Variants in DAB1 observed in about 807,000 individuals in gnomAD.
The protein encoded by DAB1 is DAB adaptor protein 1.
A neutral mutation model predicts 64.6 loss-of-function variants in DAB1; 15 were observed. The ratio of observed to expected loss-of-function variants is 0.23; its 90% confidence interval spans 0.16 to 0.36. The LOEUF (loss-of-function observed/expected upper bound fraction) is 0.36, where lower values mean the gene tolerates loss of function less well. Among genes scored for constraint, DAB1 ranks in the 10% least tolerant of loss-of-function variants. The probability of loss-of-function intolerance (pLI) is 1.00; values close to 1 mark genes in which losing one functional copy is unlikely to be tolerated. For synonymous variants in DAB1, 235 were observed against 251.9 expected (o/e 0.93, Z 0.64); for missense variants, 596 against 706.7 (o/e 0.84, Z 1.78).
Position 58,166,083 on chromosome 1 carries a change from A to G in DAB1, n.310-15495T>C, listed in dbSNP as rs139989817. Among the ~76,000 whole-genome samples the G allele has an allele frequency of 3.2e-4, 49 of 152,332 alleles. 1 individual carries two copies. In the East Asian group the frequency reaches 7.1e-3, roughly 22 times the overall value. ...TGCAATTTTGCCTCTCTGTACTTAA[A>G]GAGGAAGAGAAGAAGTCACATTTAT... On this transcript the variant is annotated intron_variant and non_coding_transcript_variant, in intron 4 of 20. Coordinates refer to the DAB1 transcript ENST00000485760.
chr1:57,203,345 C>T (rs1419660820), intron 2 of DAB1, among the ~76,000 whole-genome samples: 3 of 152,108 alleles, frequency 2.0e-5, no homozygotes, highest in South Asian at 2.1e-4. Flanking sequence ...CCATTTCTTC[C>T]TACCGAACCA....
intron 2 of DAB1, among the ~76,000 whole-genome samples, chr1:57,276,051 G>T (rs1429133397): frequency 2.0e-5 from 3 of 152,184 alleles, no homozygotes; most frequent in African/African-American, 7.2e-5. Context: ...ATTGCAAAAA[G>T]TTTATGATAT....
intron 1 of DAB1, among the ~76,000 whole-genome samples, chr1:58,535,238 T>C (rs543102760): frequency 3.9e-5 from 6 of 152,206 alleles, no homozygotes; most frequent in Non-Finnish European, 8.8e-5. Flanking sequence ...CTTTCAAGTG[T>C]ACTGAGAAAA....
At chr1:58,088,996 C>T (rs1486876084) in intron 5 of DAB1, among the ~76,000 whole-genome samples, 1 of 152,210 alleles carries the variant, frequency 6.6e-6, no homozygotes, top group Non-Finnish European at 1.5e-5. Context: ...CATTGTGATA[C>T]CTTAGCATTC....
At chr1:57,658,288 T>C (rs1015414424) in intron 6 of DAB1, among the ~76,000 whole-genome samples, 2 of 151,748 alleles carry the variant, frequency 1.3e-5, no homozygotes, top group Non-Finnish European at 2.9e-5. Context: ...GTACTGCTCC[T>C]TGCTTTGCAA....
At chr1:58,292,243 T>C (rs527409) in intron 4 of DAB1, among the ~76,000 whole-genome samples, 144,452 of 152,214 alleles carry the variant, frequency 0.95, 68,552 homozygotes, top group East Asian at 0.98. Flanking sequence ...CTTCCGTAAT[T>C]GTGTGCTCTG....
chr1:58,418,690 G>C (rs1644744551), intron 3 of DAB1, among the ~76,000 whole-genome samples: 1 of 152,068 alleles, frequency 6.6e-6, no homozygotes, highest in Non-Finnish European at 1.5e-5. Flanking sequence ...ACTCAACCTG[G>C]GGAGGTTCTT....
chr1:57,628,592 C>G (rs1645951078), intron 7 of DAB1, among the ~76,000 whole-genome samples: 1 of 114,864 alleles, frequency 8.7e-6, no homozygotes, highest in African/African-American at 3.3e-5. Flanking sequence ...TGAAGGCAGA[C>G]AATTAAAAAC....
intron 5 of DAB1, among the ~76,000 whole-genome samples, chr1:57,962,884 C>CA (rs1645560991): frequency 6.7e-6 from 1 of 149,774 alleles, no homozygotes; most frequent in Admixed American, 6.7e-5. Context: ...AAAAAAAAAA[C>CA]AAAACAAAAA....
chr1:57,527,418 T>A (rs1331415386), intron 7 of DAB1, among the ~76,000 whole-genome samples: 1 of 152,182 alleles, frequency 6.6e-6, no homozygotes, highest in Non-Finnish European at 1.5e-5. Context: ...CATTTTCCCA[T>A]CCATTTGTTT....
chr1:57,123,224 C>A (rs775478368), intron 4 of DAB1, among the ~76,000 whole-genome samples: 17 of 152,080 alleles, frequency 1.1e-4, no homozygotes, highest in Non-Finnish European at 1.2e-4. Flanking sequence ...AGGCAGTTAA[C>A]ACCTTGGGAA....
chr1:58,166,000 T>C (rs1217442526), intron 4 of DAB1, among the ~76,000 whole-genome samples: 3 of 152,144 alleles, frequency 2.0e-5, no homozygotes, highest in South Asian at 4.1e-4. Context: ...GGACACATGG[T>C]TAGTAAGTAA....
At chr1:57,446,141 C>T (rs1359537987) in intron 7 of DAB1, among the ~76,000 whole-genome samples, 2 of 152,168 alleles carry the variant, frequency 1.3e-5, no homozygotes, top group African/African-American at 4.8e-5. Flanking sequence ...TTATTCCAAC[C>T]TACATCATCT....
chr1:57,637,389 C>T (rs541928259), intron 7 of DAB1, among the ~76,000 whole-genome samples: 1 of 152,264 alleles, frequency 6.6e-6, no homozygotes, highest in Non-Finnish European at 1.5e-5. Context: ...GGAAAGATGC[C>T]TAATCCATCC....
rs11462115 is a variant in DAB1 at position 57,400,993 on chromosome 1, TA to T, written c.-137+22936del. On this transcript the variant is annotated intron_variant, in intron 1 of 14. Transcript: ENST00000371236. ...AGTGAGAAGGGTGAAAGCTCTCTCT[TA>T]AAAAAAAAAAAAAGTGCCGAAAGGA... Among the ~76,000 whole-genome samples the T allele has an allele frequency of 4.9e-3, 675 of 137,782 alleles. 1 individual carries two copies. The highest frequency in any genetic ancestry group is 0.022 in the Middle Eastern group (6 of 270). 90.4% of individuals were successfully genotyped at this position (137,782 alleles called of 152,430 possible).
chr1:57,830,818 A>G (rs895729059), intron 1 of DAB1, among the ~76,000 whole-genome samples: 2 of 152,224 alleles, frequency 1.3e-5, no homozygotes, highest in African/African-American at 4.8e-5. Flanking sequence ...TGGAGAGTGC[A>G]TATGTGACTA....
At position 58,356,943 on chromosome 1, in the gene DAB1, T is replaced by C. The variant is rs956814775; in HGVS notation, n.258-13540A>G. 5.3e-5 allele frequency among the ~76,000 whole-genome samples: 8 copies of C among 151,308 alleles called. No homozygotes were observed. In the East Asian group the frequency reaches 1.4e-3, roughly 26 times the overall value. Reference sequence around the variant, plus strand: ...AGGAGCCTGAGGTGGGAGGATTGCTTTGTGCCCAGGGAGTTGAGGCTGTAG... The same window carrying C: ...AGGAGCCTGAGGTGGGAGGATTGCTCTGTGCCCAGGGAGTTGAGGCTGTAG... On this transcript the variant is annotated intron_variant and non_coding_transcript_variant, in intron 3 of 20. Transcript: ENST00000485760.
At position 58,487,513 on chromosome 1, in the gene DAB1, A is replaced by T. The variant is rs552024870; in HGVS notation, n.257+18547T>A. On this transcript the variant is annotated intron_variant and non_coding_transcript_variant, in intron 3 of 20. Coordinates refer to the DAB1 transcript ENST00000485760. Reference sequence around the variant, plus strand: ...GAAACTTAATAACATACCTTTCTACATTTTGAAGGTAGAACTAATTAGTAA... The same window carrying T: ...GAAACTTAATAACATACCTTTCTACTTTTTGAAGGTAGAACTAATTAGTAA... 9.2e-5 allele frequency among the ~76,000 whole-genome samples: 14 copies of T among 152,334 alleles called. No homozygotes were observed. In the South Asian group the frequency reaches 2.1e-3, roughly 23 times the overall value.
chr1:57,155,553 G>C (rs886973497), intron 2 of DAB1, among the ~76,000 whole-genome samples: 1 of 151,592 alleles, frequency 6.6e-6, no homozygotes, highest in Non-Finnish European at 1.5e-5. Context: ...TAAATTTTAG[G>C]ATTTTTTTTT....
Sources: allele counts gnomAD v4.1 joint callset (sites outside exome capture counted in the v4.1 genomes callset), GRCh38; gene constraint gnomAD v4.1.1; transcripts MANE v1.5; gene names NCBI Gene and HGNC (gene_info 2026-07-23, HGNC 2026-07-21).